The following KDM7A variants were observed in gnomAD, a reference collection of about 807,000 sequenced individuals.
The protein encoded by KDM7A is lysine demethylase 7A.
KDM7A carries 28 observed loss-of-function variants against 114.8 expected under a neutral mutation model. That is an observed-to-expected ratio of 0.24 (90% CI 0.18 to 0.33). The LOEUF (loss-of-function observed/expected upper bound fraction) is 0.33. KDM7A is among the 10% of genes least tolerant of loss of function. KDM7A has a pLI of 1.00. For missense variants in KDM7A, 942 were observed against 1,142.5 expected (o/e 0.82, Z 2.53); for synonymous variants, 423 against 397.8 (o/e 1.06, Z -0.75).
rs1168311474 is a variant in KDM7A, at chr7:140,121,677, C to T, written c.1052-1148G>A. ...CAGGAGTACAATATGTGAGACAGTT[C>T]CATACAAAATGAAATTGTCCTGCAT... is the stretch of plus-strand genomic sequence containing the variant. On this transcript the variant is annotated intron_variant, in intron 7 of 19. Coordinates refer to ENST00000397560, the MANE Select transcript of KDM7A (RefSeq NM_030647.2). Among the ~76,000 whole-genome samples the T allele has an allele frequency of 5.9e-5, 9 of 152,256 alleles. No homozygotes were observed. The South Asian group carries it at 1.2e-3, about 21-fold the overall frequency.
chr7:140,176,716 G>A lies in KDM7A; in HGVS notation c.194+28C>T. ...GGTTGGTCGGTGGCCGGCGGTGGCGGCTGCGGGGCTGGAGGGGGTTTATTT... is the reference window on the plus strand; with the variant it reads ...GGTTGGTCGGTGGCCGGCGGTGGCGACTGCGGGGCTGGAGGGGGTTTATTT... On this transcript the variant is annotated intron_variant, in intron 1 of 19. Coordinates refer to ENST00000397560, the MANE Select transcript of KDM7A (RefSeq NM_030647.2). This position sits in a 1 kb window ranked among gnomAD's most constrained non-coding sequence, Gnocchi z 4.4. The A allele has an allele frequency of 1.6e-6, 2 of 1,231,986 alleles. No homozygotes were observed. Among genetic ancestry groups the A allele is most frequent in the Non-Finnish European group, 2.1e-6 (2 of 961,322 alleles). 76.3% of individuals were successfully genotyped at this position (1,231,986 alleles called of 1,614,324 possible).
chr7:140,100,480 C>T (rs995122516), intron 12 of KDM7A, among the ~76,000 whole-genome samples: 24 of 151,712 alleles, frequency 1.6e-4, no homozygotes, highest in African/African-American at 3.9e-4. Flanking sequence ...GGTCACCATG[C>T]GACATAAAGG....
At chr7:140,166,066 G>A (rs1416640536) in intron 1 of KDM7A, among the ~76,000 whole-genome samples, 1 of 152,084 alleles carries the variant, frequency 6.6e-6, no homozygotes, top group African/African-American at 2.4e-5. Context: ...TCATTAATAA[G>A]TTAAACTTTG....
intron 1 of KDM7A, among the ~76,000 whole-genome samples, chr7:140,175,120 T>C (rs1427094789): frequency 6.6e-6 from 1 of 152,204 alleles, no homozygotes; most frequent in Non-Finnish European, 1.5e-5. Flanking sequence ...TGCTAAAGAT[T>C]ATACGAAACG....
chr7:140,114,990 G>C (rs949252985), intron 9 of KDM7A, among the ~76,000 whole-genome samples: 1 of 151,894 alleles, frequency 6.6e-6, no homozygotes, highest in African/African-American at 2.4e-5. Context: ...GCCCCATCCG[G>C]GAAGTGAGGA....
At chr7:140,139,397 A>G (rs1794230622) in intron 1 of KDM7A, among the ~76,000 whole-genome samples, 1 of 152,222 alleles carries the variant, frequency 6.6e-6, no homozygotes, top group African/African-American at 2.4e-5. Flanking sequence ...CTATACTCAA[A>G]GTAATCCTCT....
Position 140,100,673 on chromosome 7 carries a change from T to TATATAC in KDM7A, c.1639-651_1639-650insGTATAT, listed in dbSNP as rs1554395384. ...TATTTTAAAAAGTTATATATATATATATATATACATATATACATATATATA... is the reference window on the plus strand; with the variant it reads ...TATTTTAAAAAGTTATATATATATATATATACATATATACATATATACATATATATA... On this transcript the variant is annotated intron_variant, in intron 12 of 19. Coordinates refer to ENST00000397560, the MANE Select transcript of KDM7A (RefSeq NM_030647.2). Among the ~76,000 whole-genome samples the TATATAC allele has an allele frequency of 1.2e-3, 48 of 39,522 alleles. 1 individual carries two copies. Among genetic ancestry groups the TATATAC allele is most frequent in the Non-Finnish European group, 1.7e-3 (36 of 20,642 alleles). The allele number at this position is 39,522 out of a possible 152,430, so 25.9% of individuals were successfully genotyped here.
chr7:140,130,397 G>A (rs1034928432), intron 3 of KDM7A, among the ~76,000 whole-genome samples: 1 of 152,018 alleles, frequency 6.6e-6, no homozygotes, highest in Non-Finnish European at 1.5e-5. Context: ...GAGGTGAGTG[G>A]ATCACCTGAG....
At position 140,096,655 on chromosome 7, in the gene KDM7A, G is replaced by T; in HGVS notation, c.2274C>A (p.Asp758Glu). 6.2e-7 allele frequency: 1 copy of T among 1,614,124 alleles called. No individual in the cohort carries two copies. Among genetic ancestry groups the T allele is most frequent in the Non-Finnish European group, 8.5e-7 (1 of 1,179,978 alleles). The change falls in exon 17 of 20, where the codon GAC becomes GAA. Residue 758 changes from aspartate to glutamate, a missense_variant. By Grantham distance (45) the Asp-to-Glu change is conservative (BLOSUM62 2). Transcript: ENST00000397560. ...TCLQRQIQSTDCSGERNSLQD... is the reference protein window; with the variant it reads ...TCLQRQIQSTECSGERNSLQD... ...GGAGAGAGTTTCTTTCACCACTGCA[G>T]TCTGTGCTTTGTATTTGCCTTTGTA... is the stretch of plus-strand genomic sequence containing the variant.
chr7:140,134,509 C>A (rs1361968487), intron 2 of KDM7A, among the ~76,000 whole-genome samples: 5 of 151,726 alleles, frequency 3.3e-5, no homozygotes, highest in African/African-American at 1.2e-4. Flanking sequence ...CAGAGTGGCA[C>A]TACCTACAGC....
intron 1 of KDM7A, among the ~76,000 whole-genome samples, chr7:140,156,595 G>T (rs1459036035): frequency 6.6e-6 from 1 of 152,106 alleles, no homozygotes; most frequent in Non-Finnish European, 1.5e-5. Context: ...TAAGTATAAG[G>T]GGCTTCAGAA....
At chr7:140,095,324 C>T (rs1818087920) in intron 17 of KDM7A, among the ~76,000 whole-genome samples, 1 of 152,134 alleles carries the variant, frequency 6.6e-6, no homozygotes, top group Non-Finnish European at 1.5e-5. Context: ...TGGTGCAGTA[C>T]AAAAAGAGAC....
chr7:140,098,120 C>T (rs1472641568), intron 14 of KDM7A, among the ~76,000 whole-genome samples: 1 of 152,224 alleles, frequency 6.6e-6, no homozygotes, highest in African/African-American at 2.4e-5. Flanking sequence ...TTGATGGATT[C>T]CTGTTGATTA....
In KDM7A at chr7:140,088,798, G is replaced by A; in HGVS notation, c.*2296C>T. 3.1e-6 allele frequency: 1 copy of A among 324,012 alleles called. No individual in the cohort carries two copies. 20.1% of individuals were successfully genotyped at this position (324,012 alleles called of 1,614,324 possible). ...TCCACACACGGGCTACTCCAAATTA[G>A]TACTTCTCAGCCTAAGGACACAGTG... On this transcript the variant is annotated 3_prime_UTR_variant, in exon 20 of 20. Coordinates refer to ENST00000397560, the MANE Select transcript of KDM7A (RefSeq NM_030647.2).
At position 140,133,259 on chromosome 7, in the gene KDM7A, AC is replaced by A. The variant is rs1562954714; in HGVS notation, c.398+279del. 2.0e-5 allele frequency among the ~76,000 whole-genome samples: 3 copies of A among 152,156 alleles called. No homozygotes were observed. The South Asian group carries it at 6.2e-4, about 32-fold the overall frequency. ...ACTCCCTCAGATTAGTGTATTTCAAACTTTTTGGACTGTGGCCCACACTTAA... is the reference window on the plus strand; with the variant it reads ...ACTCCCTCAGATTAGTGTATTTCAAATTTTTGGACTGTGGCCCACACTTAA... On this transcript the variant is annotated intron_variant, in intron 3 of 19. Coordinates refer to ENST00000397560, the MANE Select transcript of KDM7A (RefSeq NM_030647.2).
At chr7:140,110,169 T>A (rs1818409477) in intron 11 of KDM7A, among the ~76,000 whole-genome samples, 1 of 152,116 alleles carries the variant, frequency 6.6e-6, no homozygotes, top group Non-Finnish European at 1.5e-5. Context: ...TTCCTAAAAG[T>A]AAAGATTTAT....
At chr7:140,110,472 T>C (rs924378220) in intron 11 of KDM7A, among the ~76,000 whole-genome samples, 1 of 152,192 alleles carries the variant, frequency 6.6e-6, no homozygotes, top group African/African-American at 2.4e-5. Flanking sequence ...ACAGCCCTAA[T>C]GTAAGCTGTT....
At chr7:140,124,578 G>A (rs765700211) in intron 7 of KDM7A, 43 bp downstream of exon 7, 1 of 1,483,434 alleles carries the variant, frequency 6.7e-7, no homozygotes, top group East Asian at 2.4e-5. Context: ...AACTCCATGT[G>A]ACTATCAATC....
intron 3 of KDM7A, among the ~76,000 whole-genome samples, chr7:140,131,003 G>A (rs112236564): frequency 0.062 from 9,404 of 150,486 alleles, 367 homozygotes; most frequent in Non-Finnish European, 0.09. Flanking sequence ...ACAGGCGCCC[G>A]CCACCACGCC....
Sources: allele counts gnomAD v4.1 joint callset (sites outside exome capture counted in the v4.1 genomes callset), GRCh38; gene constraint gnomAD v4.1.1; non-coding constraint Gnocchi (gnomAD v3.1); transcripts MANE v1.5; gene names NCBI Gene and HGNC (gene_info 2026-07-23, HGNC 2026-07-21).